The following PCDHA12 variants were observed in gnomAD, a reference collection of about 807,000 sequenced individuals.
PCDHA12 encodes the protein protocadherin alpha 12, also known as protocadherin alpha-12.
PCDHA12 carries 44 observed loss-of-function variants against 60.0 expected under a neutral mutation model. The observed-to-expected ratio is 0.73, with a 90% CI of 0.58 to 0.94. The LOEUF (loss-of-function observed/expected upper bound fraction) is 0.94, where lower values mean the gene tolerates loss of function less well. PCDHA12 is among the 40% of genes least tolerant of loss of function. PCDHA12 has a pLI of 0.00. For missense variants in PCDHA12, 1,276 were observed against 1,239.7 expected, an observed-to-expected ratio of 1.03 and a Z score of -0.44; for synonymous variants, 569 against 553.0, an observed-to-expected ratio of 1.03 and a Z score of -0.40.
intron 1 of PCDHA12, chr5:140,882,798 A>AT: frequency 6.2e-7 from 1 of 1,614,236 alleles, no homozygotes; most frequent in Non-Finnish European, 8.5e-7. Flanking sequence ...CCCAACGATT[A>AT]TTTCACTTTG....
intron 1 of PCDHA12, chr5:140,883,880 C>G: frequency 1.2e-6 from 2 of 1,613,304 alleles, no homozygotes; most frequent in Non-Finnish European, 1.7e-6. Context: ...GGTGAGCGCG[C>G]GCGACTCTGG....
Position 140,876,180 on chromosome 5 carries a change from T to C in PCDHA12, c.708T>C (p.Asn236=), listed in dbSNP as rs782772220. 6.2e-7 allele frequency: 1 copy of C among 1,613,982 alleles called. No individual in the cohort carries two copies. The highest frequency in any genetic ancestry group is 1.1e-5 in the South Asian group (1 of 91,088). ...TTCAAATAACCGTCCTGGATGTGAATGACAATGGTCCGGCGTTTGATAAGC... is the reference window on the plus strand; with the variant it reads ...TTCAAATAACCGTCCTGGATGTGAACGACAATGGTCCGGCGTTTGATAAGC... ...VQIQITVLDV[N]DNGPAFDKPS... The change falls in exon 1 of 4, where the codon AAT becomes AAC. Residue 236 remains asparagine (N), a synonymous_variant. Coordinates refer to ENST00000398631, the MANE Select transcript of PCDHA12 (RefSeq NM_018903.4).
chr5:140,965,260 G>A (rs1188138728), intron 1 of PCDHA12, among the ~76,000 whole-genome samples: 1 of 152,202 alleles, frequency 6.6e-6, no homozygotes, highest in Non-Finnish European at 1.5e-5. Context: ...GAACTGAGCA[G>A]CAGAGGCAAT....
At chr5:140,962,930 C>A (rs2095720492) in intron 1 of PCDHA12, among the ~76,000 whole-genome samples, 1 of 152,144 alleles carries the variant, frequency 6.6e-6, no homozygotes, top group South Asian at 2.1e-4. Flanking sequence ...TACTTCTCAA[C>A]CTCCTCTCCA....
intron 1 of PCDHA12, among the ~76,000 whole-genome samples, chr5:140,881,694 G>C (rs1375930995): frequency 6.6e-6 from 1 of 152,126 alleles, no homozygotes; most frequent in Non-Finnish European, 1.5e-5. Flanking sequence ...TCCTTTTGGA[G>C]TCAATGGCTG....
At chr5:140,967,221 A>G (rs1198233262) in intron 1 of PCDHA12, 3 of 1,613,620 alleles carry the variant, frequency 1.9e-6, no homozygotes, top group African/African-American at 1.3e-5. Context: ...CCGCGGCCCA[A>G]CTACCAGCTT....
rs781796819 is a variant in PCDHA12, at chr5:140,877,706, T to TG, written c.2238dup (p.Ser747GlufsTer43). On this transcript the variant is annotated frameshift_variant, in exon 1 of 4. Transcript: ENST00000398631. LOFTEE classifies it high-confidence loss of function. ...CCCACGCTGGTGTGCTCCAGCGCCG[T>TG]GGGGAGTTGGTCTTACTCGCAGCAG... The TG allele has an allele frequency of 9.9e-6, 16 of 1,613,800 alleles. No individual in the cohort carries two copies. The highest frequency in any genetic ancestry group is 1.4e-5 in the Non-Finnish European group (16 of 1,179,980).
In PCDHA12 at chr5:141,011,697, T is replaced by A. The variant is rs1187125634; in HGVS notation, c.*1760T>A. ...TTTTGTTCTAGTAACAATTTTGGAATGAATACTGACAATATTCCATGAGGG... is the reference window on the plus strand; with the variant it reads ...TTTTGTTCTAGTAACAATTTTGGAAAGAATACTGACAATATTCCATGAGGG... On this transcript the variant is annotated 3_prime_UTR_variant, in exon 4 of 4. Transcript: ENST00000398631. 2 of 153,778 alleles carry A rather than the reference T, an allele frequency of 1.3e-5. No homozygotes were observed. Among genetic ancestry groups the A allele is most frequent in the Non-Finnish European group, 2.9e-5 (2 of 68,036 alleles). The allele number at this position is 153,778 out of a possible 1,614,324, so 9.5% of individuals were successfully genotyped here.
chr5:140,916,721 T>G (rs2077698319), intron 1 of PCDHA12, among the ~76,000 whole-genome samples: 1 of 152,186 alleles, frequency 6.6e-6, no homozygotes, highest in Non-Finnish European at 1.5e-5. Context: ...AAGGAGTGAC[T>G]TTTGTTGCTG....
At chr5:140,948,259 G>A (rs1430770984) in intron 1 of PCDHA12, among the ~76,000 whole-genome samples, 3 of 151,464 alleles carry the variant, frequency 2.0e-5, no homozygotes, top group Non-Finnish European at 3.0e-5. Context: ...TTACATCTGT[G>A]TTCATGTAGA....
In PCDHA12 at chr5:140,927,503, C is replaced by T. The variant is rs148532418; in HGVS notation, c.2367+49664C>T. On this transcript the variant is annotated intron_variant, in intron 1 of 3. Transcript: ENST00000398631. ...CGCGCCACCCACCTGCTGGTGCTTA[C>T]AGCTCGGGACGGCGGGCTACCTGCC... The T allele has an allele frequency of 1.2e-4, 190 of 1,614,128 alleles. No homozygotes were observed. In the African/African-American group the frequency reaches 2.3e-3, roughly 19 times the overall value.
intron 1 of PCDHA12, among the ~76,000 whole-genome samples, chr5:140,955,517 C>T (rs1554221970): frequency 6.6e-6 from 1 of 152,154 alleles, no homozygotes; most frequent in African/African-American, 2.4e-5. Flanking sequence ...TGTTTGCTTT[C>T]CCTTCCACCA....
At chr5:141,009,255 G>A (rs2098403504) in intron 3 of PCDHA12, among the ~76,000 whole-genome samples, 1 of 152,162 alleles carries the variant, frequency 6.6e-6, no homozygotes. Context: ...CAGTGTTTGA[G>A]ACCAGCCTGG....
chr5:140,988,299 G>A (rs2097291981), intron 3 of PCDHA12, among the ~76,000 whole-genome samples: 2 of 152,218 alleles, frequency 1.3e-5, no homozygotes, highest in Non-Finnish European at 2.9e-5. Context: ...GCCCAGGAGT[G>A]CCAGCTTGGC....
chr5:140,966,951 C>G lies in PCDHA12; in HGVS notation c.2368-11998C>G, dbSNP rs781885198. 3.1e-5 allele frequency: 50 copies of G among 1,603,624 alleles called. No individual in the cohort carries two copies. The highest frequency in any genetic ancestry group is 4.2e-5 in the Non-Finnish European group (50 of 1,178,520). The stretch of plus-strand genomic sequence containing the variant: ...CCCGGCGCGCTCGTGGGCAACGTGG[C>G]TCGCGCGCTGGGGCTTGAGCTGCGG... On this transcript the variant is annotated intron_variant, in intron 1 of 3. Coordinates refer to ENST00000398631, the MANE Select transcript of PCDHA12 (RefSeq NM_018903.4).
rs1554169685 is a variant in PCDHA12 at position 140,877,406 on chromosome 5, A to G, written c.1934A>G (p.His645Arg). ...CTGGATGAGGCGGACGCTCCGCGCCACCGCCTGCTGGTGCTGGTGAAGGAC... is the reference window on the plus strand; with the variant it reads ...CTGGATGAGGCGGACGCTCCGCGCCGCCGCCTGCTGGTGCTGGTGAAGGAC... Reference protein sequence around the residue: ...RILDEADAPRHRLLVLVKDHG... With the variant: ...RILDEADAPRRRLLVLVKDHG... The change falls in exon 1 of 4, where the codon CAC becomes CGC. Residue 645 changes from histidine to arginine, a missense_variant. Transcript: ENST00000398631. 2 of 1,613,868 alleles carry G rather than the reference A, an allele frequency of 1.2e-6. No homozygotes were observed. Among genetic ancestry groups the G allele is most frequent in the East Asian group, 2.2e-5 (1 of 44,848 alleles).
chr5:140,883,142 G>A (rs150205860), intron 1 of PCDHA12: 1 of 1,614,004 alleles, frequency 6.2e-7, no homozygotes, highest in South Asian at 1.1e-5. Flanking sequence ...AGTGGTATAT[G>A]CATTTACCAT....
chr5:140,948,895 A>G (rs1192387448), intron 1 of PCDHA12, among the ~76,000 whole-genome samples: 1 of 151,548 alleles, frequency 6.6e-6, no homozygotes, highest in Non-Finnish European at 1.5e-5. Flanking sequence ...TTAGATTTTA[A>G]GTGGATTCTT....
intron 1 of PCDHA12, among the ~76,000 whole-genome samples, chr5:140,915,100 CACA>C (rs2076984171): frequency 6.6e-6 from 1 of 151,988 alleles, no homozygotes; most frequent in African/African-American, 2.4e-5. Context: ...CACGCACCAC[CACA>C]ACACCCACCT....
Sources: allele counts gnomAD v4.1 joint callset (sites outside exome capture counted in the v4.1 genomes callset), GRCh38; gene constraint gnomAD v4.1.1; transcripts MANE v1.5; gene names NCBI Gene and HGNC (gene_info 2026-07-23, HGNC 2026-07-21).